PLCB1: variants seen among roughly 807,000 people sequenced by gnomAD.
PLCB1 encodes the protein phospholipase C beta 1.
A neutral mutation model predicts 161.8 loss-of-function variants in PLCB1; 46 were observed. The ratio of observed to expected loss-of-function variants is 0.28; its 90% CI spans 0.22 to 0.36. The LOEUF is 0.36. Among genes scored for constraint, PLCB1 ranks in the 10% least tolerant of loss-of-function variants. The probability of loss-of-function intolerance (pLI) is 1.00; values close to 1 mark genes in which losing one functional copy is unlikely to be tolerated. For synonymous variants in PLCB1, 517 were observed against 503.7 expected (o/e 1.03, Z -0.35); for missense variants, 1,016 against 1,472.5 (o/e 0.69, Z 5.07).
At chr20:8,216,737 C>T (rs1014857558) in intron 2 of PLCB1, among the ~76,000 whole-genome samples, 1 of 152,006 alleles carries the variant, frequency 6.6e-6, no homozygotes, top group Non-Finnish European at 1.5e-5. Flanking sequence ...AATGATATAG[C>T]ATAAGAGGGA....
chr20:8,627,594 AT>A (rs1988392902), intron 3 of PLCB1, among the ~76,000 whole-genome samples: 1 of 152,162 alleles, frequency 6.6e-6, no homozygotes. Context: ...ACTGAGCCCT[AT>A]TTTAGGTTTC....
intron 2 of PLCB1, among the ~76,000 whole-genome samples, chr20:8,266,167 C>A (rs1203096404): frequency 6.6e-6 from 1 of 152,214 alleles, no homozygotes; most frequent in Non-Finnish European, 1.5e-5. Flanking sequence ...CCCAGAACTT[C>A]AGGCTTACAA....
intron 2 of PLCB1, among the ~76,000 whole-genome samples, chr20:8,285,431 G>A (rs1452426506): frequency 3.9e-5 from 6 of 151,952 alleles, no homozygotes; most frequent in African/African-American, 1.5e-4. Flanking sequence ...AATAATGGTG[G>A]CTAGATTCTA....
At chr20:8,695,649 C>G (rs1419601345) in intron 10 of PLCB1, among the ~76,000 whole-genome samples, 1 of 152,078 alleles carries the variant, frequency 6.6e-6, no homozygotes, top group Non-Finnish European at 1.5e-5. Flanking sequence ...CTTCAGTGAG[C>G]TATGATCACA....
At chr20:8,460,086 C>T (rs188489900) in intron 3 of PLCB1, among the ~76,000 whole-genome samples, 131 of 152,212 alleles carry the variant, frequency 8.6e-4, no homozygotes, top group African/African-American at 3.0e-3. Flanking sequence ...TTTGTTAATT[C>T]AAAAATGATT....
intron 3 of PLCB1, among the ~76,000 whole-genome samples, chr20:8,564,104 G>A (rs952854418): frequency 1.3e-5 from 2 of 152,058 alleles, no homozygotes; most frequent in African/African-American, 2.4e-5. Flanking sequence ...TATACTACAA[G>A]GCTACAGTAA....
intron 31 of PLCB1, among the ~76,000 whole-genome samples, chr20:8,831,762 T>C (rs10211711): frequency 0.29 from 43,963 of 152,106 alleles, 6,522 homozygotes; most frequent in Middle Eastern, 0.41. Flanking sequence ...CCCAAGTAGC[T>C]GGGACTACAG....
chr20:8,550,516 A>G (rs1322230194), intron 3 of PLCB1, among the ~76,000 whole-genome samples: 1 of 152,052 alleles, frequency 6.6e-6, no homozygotes, highest in Non-Finnish European at 1.5e-5. Context: ...GCCTTCCACC[A>G]TGATTGTAAG....
At chr20:8,354,717 C>T (rs1306843112) in intron 2 of PLCB1, among the ~76,000 whole-genome samples, 2 of 152,116 alleles carry the variant, frequency 1.3e-5, no homozygotes, top group East Asian at 3.9e-4. Context: ...CATTTAGAAG[C>T]CAGGCATTGA....
intron 19 of PLCB1, among the ~76,000 whole-genome samples, 190 bp from the exon 20 acceptor site, chr20:8,736,838 A>T (rs1980611521): frequency 6.6e-6 from 1 of 152,206 alleles, no homozygotes; most frequent in South Asian, 2.1e-4. Flanking sequence ...GGGTGAGGAC[A>T]TAGAACCAAA....
At chr20:8,713,462 C>T (rs752540316) in intron 12 of PLCB1, among the ~76,000 whole-genome samples, 14 of 152,280 alleles carry the variant, frequency 9.2e-5, no homozygotes, top group South Asian at 4.1e-4. Flanking sequence ...GGATTACAGA[C>T]GTGAGCCACC....
intron 7 of PLCB1, among the ~76,000 whole-genome samples, chr20:8,650,513 C>A (rs1360628233): frequency 1.6e-4 from 25 of 152,122 alleles, no homozygotes. Flanking sequence ...TATGGAGTAG[C>A]CCTGCTCTGC....
intron 23 of PLCB1, among the ~76,000 whole-genome samples, chr20:8,755,056 C>T (rs190105664): frequency 4.5e-4 from 68 of 152,144 alleles, no homozygotes; most frequent in Non-Finnish European, 8.7e-4. Flanking sequence ...CAGGCTGCCC[C>T]GGTTACTTGT....
At chr20:8,824,962 G>A (rs576176769) in intron 31 of PLCB1, among the ~76,000 whole-genome samples, 3 of 152,284 alleles carry the variant, frequency 2.0e-5, no homozygotes, top group Non-Finnish European at 4.4e-5. Context: ...GGCCACAGAG[G>A]TGAAGCATCA....
intron 2 of PLCB1, among the ~76,000 whole-genome samples, chr20:8,285,992 A>G (rs1029195390): frequency 1.3e-5 from 2 of 152,186 alleles, no homozygotes; most frequent in African/African-American, 4.8e-5. Context: ...TCCATTGGTC[A>G]TTTTATAAGG....
chr20:8,651,508 G>A, intron 7 of PLCB1: 1 of 718,048 alleles, frequency 1.4e-6, no homozygotes, highest in Non-Finnish European at 2.6e-6. Flanking sequence ...AAAATAAAAT[G>A]CTTGAACCTG....
chr20:8,482,740 A>G (rs886197344), intron 3 of PLCB1, among the ~76,000 whole-genome samples: 1 of 152,222 alleles, frequency 6.6e-6, no homozygotes, highest in Non-Finnish European at 1.5e-5. Flanking sequence ...GGAAAAATAT[A>G]GAAATCCAGA....
chr20:8,754,544 T>C (rs1981644077), intron 23 of PLCB1, among the ~76,000 whole-genome samples: 1 of 152,214 alleles, frequency 6.6e-6, no homozygotes, highest in African/African-American at 2.4e-5. Context: ...TCTGGTTCAT[T>C]CCCCACATGG....
At chr20:8,680,615 A>G (rs1221413448) in intron 9 of PLCB1, among the ~76,000 whole-genome samples, 1 of 152,164 alleles carries the variant, frequency 6.6e-6, no homozygotes, top group Non-Finnish European at 1.5e-5. Flanking sequence ...TTGCTATGAT[A>G]TGCATGTGTT....
Sources: gnomAD v4.1 joint callset for allele counts (sites outside exome capture counted in the v4.1 genomes callset) on GRCh38, gnomAD v4.1.1 for gene constraint, MANE v1.5 for transcripts, NCBI Gene and HGNC (gene_info 2026-07-23, HGNC 2026-07-21) for gene names.